SMARCD3: variants seen among roughly 807,000 people sequenced by gnomAD.
The protein encoded by SMARCD3 is SWI/SNF related BAF chromatin remodeling complex subunit D3, also known as SWI/SNF-related matrix-associated actin-dependent regulator of chromatin subfamily D member 3.
Under a neutral mutation model 58.0 loss-of-function variants are expected in SMARCD3, and 14 were observed. That is an observed-to-expected ratio of 0.24 (90% CI 0.16 to 0.38). SMARCD3 has a LOEUF of 0.38. Among genes scored for constraint, SMARCD3 ranks in the 10% least tolerant of loss-of-function variants. The pLI, the probability that SMARCD3 is intolerant of heterozygous loss-of-function variation, is 1.00. For synonymous variants in SMARCD3, 253 were observed against 253.8 expected, an observed-to-expected ratio of 1.00 and a Z score of 0.03; for missense variants, 408 against 636.9, an observed-to-expected ratio of 0.64 and a Z score of 3.87.
chr7:151,245,633 C>A lies in SMARCD3; in HGVS notation c.117G>T (p.Gln39His), dbSNP rs1244530653. ...GMPSGARMPH[Q>H]GAPMGPPGSP... Reference sequence around the variant, plus strand: ...AGCCCGGGGGGCCCATGGGCGCCCCCTGGTGGGGCATCCGGGCTCCAGACG... The same window carrying A: ...AGCCCGGGGGGCCCATGGGCGCCCCATGGTGGGGCATCCGGGCTCCAGACG... Residue 39 changes from glutamine (Q) to histidine (H), a missense_variant, in exon 2 of 13, where the codon CAG becomes CAT. Gln to His is a conservative substitution (Grantham distance 24). This residue lies in a region of SMARCD3 where 84 missense variants were observed against 81.2 expected (regional missense o/e 1.03). Coordinates refer to ENST00000262188, the MANE Select transcript of SMARCD3 (RefSeq NM_001003801.2). This position sits in a 1 kb window ranked among gnomAD's most constrained non-coding sequence, Gnocchi z 6.2. The A allele has an allele frequency of 8.7e-7, 1 of 1,145,248 alleles. No homozygotes were observed. The highest frequency in any genetic ancestry group is 1.1e-6 in the Non-Finnish European group (1 of 917,702). 70.9% of individuals were successfully genotyped at this position (1,145,248 alleles called of 1,614,324 possible).
intron 2 of SMARCD3, among the ~76,000 whole-genome samples, chr7:151,268,771 C>T (rs1055840053): frequency 6.7e-6 from 1 of 148,302 alleles, no homozygotes; most frequent in African/African-American, 2.5e-5. Context: ...AATTCTCTCT[C>T]TTTTTTTTTT....
rs112223142 is a variant in SMARCD3, at chr7:151,259,601, G to GTTTTTTTTTTTTTTT, written c.40-13945_40-13931dup. Among the ~76,000 whole-genome samples, 28 of 70,528 alleles carry GTTTTTTTTTTTTTTT rather than the reference G, an allele frequency of 4.0e-4. 2 individuals carry two copies. The highest frequency in any genetic ancestry group is 9.0e-4 in the East Asian group (2 of 2,214). 46.3% of individuals were successfully genotyped at this position (70,528 alleles called of 152,430 possible). A position where few individuals can be genotyped will look rare whatever the true frequency, so the allele number is the denominator to read the frequency against. On this transcript the variant is annotated intron_variant, in intron 2 of 13. Transcript: ENST00000356800. ...TGCCAGCTGAGGTTACAACCTGAGA[G>GTTTTTTTTTTTTTTT]TTTTTTTTTTTTTTTTTTTTTTTTT...
At chr7:151,240,606 G>T in intron 8 of SMARCD3, 84 bp from the exon 9 acceptor site, 1 of 1,000,126 alleles carries the variant, frequency 1.0e-6, no homozygotes, top group Non-Finnish European at 1.5e-6. Context: ...TTCTAGAAAG[G>T]CCACAAGAAG....
chr7:151,261,430 T>C (rs1022951523), intron 2 of SMARCD3, among the ~76,000 whole-genome samples: 1 of 152,198 alleles, frequency 6.6e-6, no homozygotes, highest in Admixed American at 6.5e-5. Context: ...ACCCAGCCAC[T>C]GAGTGACCAT....
At position 151,246,889 on chromosome 7, in the gene SMARCD3, A is replaced by G. The variant is rs780411136; in HGVS notation, c.79-1218T>C. Among the ~76,000 whole-genome samples the G allele has an allele frequency of 2.0e-5, 3 of 151,884 alleles. No homozygotes were observed. The highest frequency in any genetic ancestry group is 2.9e-5 in the Non-Finnish European group (2 of 67,942). ...GAAGATCAGAGGGCAGGGGATGCAG[A>G]CCCTGGCACTGTTAACATGGACACA... On this transcript the variant is annotated intron_variant, in intron 1 of 12. Transcript: ENST00000262188. This position sits in a 1 kb window ranked among gnomAD's most constrained non-coding sequence, Gnocchi z 4.4.
intron 8 of SMARCD3, chr7:151,240,882 C>G (rs944249667): frequency 3.5e-6 from 1 of 282,832 alleles, no homozygotes; most frequent in African/African-American, 2.2e-5. Context: ...CCAGGGCTGC[C>G]GTGAGAAGTC....
In SMARCD3 at chr7:151,241,762, G is replaced by A. The variant is rs1802998892; in HGVS notation, c.778-109C>T. The A allele has an allele frequency of 7.2e-7, 1 of 1,384,048 alleles. No individual in the cohort carries two copies. 85.7% of individuals were successfully genotyped at this position (1,384,048 alleles called of 1,614,324 possible). A position where few individuals can be genotyped will look rare whatever the true frequency, so the allele number is the denominator to read the frequency against. On this transcript the variant is annotated intron_variant, in intron 7 of 12. Coordinates refer to ENST00000262188, the MANE Select transcript of SMARCD3 (RefSeq NM_001003801.2). This position sits in a 1 kb window ranked among gnomAD's most constrained non-coding sequence, Gnocchi z 5.3. The stretch of plus-strand genomic sequence containing the variant: ...GTGTTGATTGAGGAAACATGCCCCT[G>A]GGGAAGGATAGGTTTGGGAGGGGAA...
In SMARCD3 at chr7:151,240,256, G is replaced by C; in HGVS notation, c.1038-9C>G. ...GGTCTGAAGGGTCCACGCTGCCAGG[G>C]AAGTCCAGCCCTTCGTGTCCACGAT... On this transcript the variant is annotated splice_polypyrimidine_tract_variant and intron_variant, in intron 9 of 12. Coordinates refer to ENST00000262188, the MANE Select transcript of SMARCD3 (RefSeq NM_001003801.2). 6.2e-7 allele frequency: 1 copy of C among 1,612,096 alleles called. No homozygotes were observed. Among genetic ancestry groups the C allele is most frequent in the Non-Finnish European group, 8.5e-7 (1 of 1,179,560 alleles).
At chr7:151,269,409 AG>A (rs1197605851) in intron 2 of SMARCD3, among the ~76,000 whole-genome samples, 1 of 152,234 alleles carries the variant, frequency 6.6e-6, no homozygotes, top group African/African-American at 2.4e-5. Flanking sequence ...CAGGGACCAC[AG>A]GGCTCTCTCC....
At chr7:151,261,578 C>G (rs980039291) in intron 2 of SMARCD3, among the ~76,000 whole-genome samples, 2 of 152,190 alleles carry the variant, frequency 1.3e-5, no homozygotes, top group South Asian at 4.1e-4. Flanking sequence ...CAGTGCCTGG[C>G]ACAGGGTCAA....
rs759168308 is a variant in SMARCD3 at position 151,239,538 on chromosome 7, C to T, written c.1297-41G>A. 8 of 1,609,360 alleles carry T rather than the reference C, an allele frequency of 5.0e-6. No homozygotes were observed. The highest frequency in any genetic ancestry group is 6.0e-6 in the Non-Finnish European group (7 of 1,176,030). On this transcript the variant is annotated intron_variant, in intron 11 of 12. Transcript: ENST00000262188. This position sits in a 1 kb window ranked among gnomAD's most constrained non-coding sequence, Gnocchi z 7.0. ...GGGTGAGCCCTGAGCCCTGAATCCC[C>T]TCACCTGCCCCTGGAGTACAACGTT...
At position 151,245,612 on chromosome 7, in the gene SMARCD3, C is replaced by A; in HGVS notation, c.138G>T (p.Pro46=). Reference sequence around the variant, plus strand: ...CGGGGCTGCCCATGTACGGGGAGCCCGGGGGGCCCATGGGCGCCCCCTGGT... The same window carrying A: ...CGGGGCTGCCCATGTACGGGGAGCCAGGGGGGCCCATGGGCGCCCCCTGGT... ...MPHQGAPMGP[P]GSPYMGSPAV... is the part of the protein sequence containing the mutation. The change falls in exon 2 of 13, where the codon CCG becomes CCT. Residue 46 remains proline, a synonymous_variant. Coordinates refer to ENST00000262188, the MANE Select transcript of SMARCD3 (RefSeq NM_001003801.2). This position sits in a 1 kb window ranked among gnomAD's most constrained non-coding sequence, Gnocchi z 6.2. 9.0e-7 allele frequency: 1 copy of A among 1,106,200 alleles called. No homozygotes were observed. Among genetic ancestry groups the A allele is most frequent in the Non-Finnish European group, 1.1e-6 (1 of 898,428 alleles). The allele number at this position is 1,106,200 out of a possible 1,614,324, so 68.5% of individuals were successfully genotyped here. A position where few individuals can be genotyped will look rare whatever the true frequency, so the allele number is the denominator to read the frequency against.
Position 151,240,231 on chromosome 7 carries a change from G to A in SMARCD3, c.1054C>T (p.Gln352Ter). The A allele has an allele frequency of 6.2e-7, 1 of 1,614,108 alleles. No individual in the cohort carries two copies. The highest frequency in any genetic ancestry group is 8.5e-7 in the Non-Finnish European group (1 of 1,180,010). The change falls in exon 10 of 13, where the codon CAG becomes TAG. Residue 352 changes from glutamine to a stop codon, truncating the protein, a stop_gained. Coordinates refer to ENST00000262188, the MANE Select transcript of SMARCD3 (RefSeq NM_001003801.2). LOFTEE classifies it high-confidence loss of function. ...ATGTCATAGCACGCCGTCTTCTTCT[G>A]GTCTGAAGGGTCCACGCTGCCAGGG... The part of the protein sequence containing the change: ...NHVISVDPSD[Q>*]KKTACYDIDV...
intron 2 of SMARCD3, among the ~76,000 whole-genome samples, chr7:151,269,549 A>C (rs1248238932): frequency 6.6e-6 from 1 of 152,172 alleles, no homozygotes; most frequent in Non-Finnish European, 1.5e-5. Flanking sequence ...GATGGGCTAA[A>C]GCTAAGATAG....
chr7:151,261,823 G>A (rs114948284), intron 2 of SMARCD3, among the ~76,000 whole-genome samples: 78 of 152,322 alleles, frequency 5.1e-4, no homozygotes, highest in African/African-American at 1.7e-3. Context: ...AGCGAGGGCC[G>A]AGCTGCTGCT....
rs369009601 is a variant in SMARCD3 at position 151,239,178 on chromosome 7, G to C, written c.1399-22C>G. The C allele has an allele frequency of 6.2e-6, 10 of 1,613,252 alleles. No homozygotes were observed. The highest frequency in any genetic ancestry group is 8.5e-6 in the Non-Finnish European group (10 of 1,179,254). The stretch of plus-strand genomic sequence containing the variant: ...GGATCTTTAGAGGAAGTGAGAACAG[G>C]AGCAGGTGTCAGTGTTCTGGTGAGT... On this transcript the variant is annotated intron_variant, in intron 12 of 12. Transcript: ENST00000262188. This position sits in a 1 kb window ranked among gnomAD's most constrained non-coding sequence, Gnocchi z 7.0.
upstream of SMARCD3, among the ~76,000 whole-genome samples, chr7:151,253,073 C>G (rs1803580036): frequency 6.6e-6 from 1 of 152,216 alleles, no homozygotes; most frequent in African/African-American, 2.4e-5. Context: ...CAGAGCATTC[C>G]TAGAGCCCTT....
intron 2 of SMARCD3, among the ~76,000 whole-genome samples, chr7:151,264,315 T>A (rs1459069002): frequency 3.3e-5 from 5 of 152,146 alleles, no homozygotes; most frequent in African/African-American, 1.2e-4. Context: ...TGCCTCAGCC[T>A]CCCAAGGTGC....
At chr7:151,240,691 G>C (rs1802939580) in intron 8 of SMARCD3, 169 bp from the exon 9 acceptor site, 4 of 534,612 alleles carry the variant, frequency 7.5e-6, no homozygotes, top group Non-Finnish European at 1.3e-5. Context: ...GGAGCCACCG[G>C]TATGGCTGAC....
Sources: gnomAD v4.1 joint callset for allele counts (sites outside exome capture counted in the v4.1 genomes callset) on GRCh38, gnomAD v4.1.1 for gene constraint, gnomAD v4.1.1 regional missense constraint, Gnocchi (gnomAD v3.1) non-coding constraint, MANE v1.5 for transcripts, NCBI Gene and HGNC (gene_info 2026-07-23, HGNC 2026-07-21) for gene names.